Variants in AUTS2 observed in about 807,000 individuals in gnomAD.
AUTS2 encodes the protein autism susceptibility gene 2 protein.
Under a neutral mutation model 112.4 loss-of-function variants are expected in AUTS2, and 17 were observed. That is an observed-to-expected ratio of 0.15 (90% confidence interval 0.10 to 0.23). The LOEUF (loss-of-function observed/expected upper bound fraction) is 0.23, where lower values mean the gene tolerates loss of function less well. Among genes scored for constraint, AUTS2 ranks in the 10% least tolerant of loss-of-function variants. AUTS2 has a pLI of 1.00. For missense variants in AUTS2, 1,510 were observed against 1,701.6 expected, an observed-to-expected ratio of 0.89 and a Z score of 1.98; for synonymous variants, 751 against 702.7, an observed-to-expected ratio of 1.07 and a Z score of -1.09.
chr7:70,670,317 C>T (rs1382753508), intron 5 of AUTS2, among the ~76,000 whole-genome samples: 3 of 152,172 alleles, frequency 2.0e-5, no homozygotes, highest in Non-Finnish European at 4.4e-5. Flanking sequence ...CTTTCTGCAG[C>T]GTCTTAGTCA....
intron 3 of AUTS2, 139 bp downstream of exon 3, chr7:70,118,372 C>G: frequency 9.5e-7 from 1 of 1,049,948 alleles, no homozygotes; most frequent in Non-Finnish European, 1.3e-6. Context: ...TTGCGGTTCA[C>G]ATTATCTTTG....
chr7:70,484,960 A>G (rs1469039127), intron 5 of AUTS2, among the ~76,000 whole-genome samples: 2 of 152,264 alleles, frequency 1.3e-5, no homozygotes, highest in Non-Finnish European at 2.9e-5. Context: ...AAGAATGGCC[A>G]TAATTCAAAA....
intron 12 of AUTS2, chr7:70,774,413 T>C: frequency 9.7e-6 from 3 of 310,282 alleles, no homozygotes; most frequent in Non-Finnish European, 1.8e-5. Context: ...CTGTATCTCC[T>C]TAAATTGTCT....
At chr7:70,614,477 AG>A (rs1397933803) in intron 5 of AUTS2, among the ~76,000 whole-genome samples, 1 of 152,138 alleles carries the variant, frequency 6.6e-6, no homozygotes, top group Non-Finnish European at 1.5e-5. Flanking sequence ...TGCTAAGTGG[AG>A]GTGTGGGGGT....
chr7:70,450,567 A>C (rs1383055969), intron 5 of AUTS2, among the ~76,000 whole-genome samples: 2 of 152,180 alleles, frequency 1.3e-5, no homozygotes, highest in Non-Finnish European at 2.9e-5. Flanking sequence ...GACTGTAAAC[A>C]TATGTTGGTA....
intron 6 of AUTS2, among the ~76,000 whole-genome samples, chr7:70,724,143 C>T (rs1397781064): frequency 1.3e-5 from 2 of 152,158 alleles, no homozygotes; most frequent in African/African-American, 2.4e-5. Context: ...CCGCCTGCCT[C>T]GGCCTCTCAA....
At chr7:70,233,307 GACCTACACTTCACATAGT>G (rs1205692775) in intron 4 of AUTS2, among the ~76,000 whole-genome samples, 101 of 152,290 alleles carry the variant, frequency 6.6e-4, no homozygotes, top group African/African-American at 2.2e-3. Flanking sequence ...TGTGTCCTGG[GACCTACACTTCACATAGT>G]ACTTGGAAAT....
intron 8 of AUTS2, among the ~76,000 whole-genome samples, chr7:70,765,610 G>C (rs1173745527): frequency 6.6e-6 from 1 of 152,208 alleles, no homozygotes; most frequent in African/African-American, 2.4e-5. Flanking sequence ...CCATATAGCA[G>C]TAATTGACAC....
intron 4 of AUTS2, among the ~76,000 whole-genome samples, chr7:70,171,733 A>G (rs1192950099): frequency 1.3e-5 from 2 of 152,180 alleles, no homozygotes; most frequent in African/African-American, 2.4e-5. Flanking sequence ...TTCCTTCCCC[A>G]TGGGAAAGAT....
chr7:70,359,760 T>C (rs1264945354), intron 4 of AUTS2, among the ~76,000 whole-genome samples: 2 of 152,190 alleles, frequency 1.3e-5, no homozygotes, highest in Non-Finnish European at 2.9e-5. Flanking sequence ...ACGTGAGTTT[T>C]GGTGGAGACA....
chr7:69,975,782 G>A (rs1441813075), intron 2 of AUTS2, among the ~76,000 whole-genome samples: 1 of 151,588 alleles, frequency 6.6e-6, no homozygotes, highest in East Asian at 1.9e-4. Flanking sequence ...CTGCCTCCTG[G>A]GTTCAAGCAA....
chr7:70,737,768 G>C lies in AUTS2; in HGVS notation c.743-25102G>C, dbSNP rs1200286109. 3.3e-5 allele frequency among the ~76,000 whole-genome samples: 5 copies of C among 152,130 alleles called. No homozygotes were observed. In the East Asian group the frequency reaches 9.6e-4, roughly 29 times the overall value. ...TCCAGAGAGGAGGAGGAGCCAGGGG[G>C]GTGAAGAGAAGTCCTGACCTATTTT... is the stretch of plus-strand genomic sequence containing the variant. On this transcript the variant is annotated intron_variant, in intron 6 of 18. Transcript: ENST00000342771.
In AUTS2 at chr7:69,860,903, A is replaced by G. The variant is rs377732643; in HGVS notation, c.310-38383A>G. Among the ~76,000 whole-genome samples the G allele has an allele frequency of 6.6e-5, 10 of 152,332 alleles. 1 individual carries two copies. In the East Asian group the frequency reaches 1.2e-3, roughly 18 times the overall value. Reference sequence around the variant, plus strand: ...ATTCGGAGGCTACTTTTCCTCTGAAAGAACTTCAGATGTCCGATGTCATGA... The same window carrying G: ...ATTCGGAGGCTACTTTTCCTCTGAAGGAACTTCAGATGTCCGATGTCATGA... On this transcript the variant is annotated intron_variant, in intron 1 of 18. Transcript: ENST00000342771.
chr7:70,128,884 G>T (rs1347947877), intron 3 of AUTS2, among the ~76,000 whole-genome samples: 1 of 152,062 alleles, frequency 6.6e-6, no homozygotes, highest in African/African-American at 2.4e-5. Context: ...AGTGATCCTT[G>T]GTGTTCCTGG....
chr7:69,905,512 G>A (rs1795116289), intron 2 of AUTS2, among the ~76,000 whole-genome samples: 1 of 152,144 alleles, frequency 6.6e-6, no homozygotes, highest in Non-Finnish European at 1.5e-5. Context: ...CCAAAGCCTA[G>A]AGAGCCTAGA....
At chr7:69,898,749 C>G (rs1289242864) in intron 1 of AUTS2, among the ~76,000 whole-genome samples, 1 of 152,062 alleles carries the variant, frequency 6.6e-6, no homozygotes, top group African/African-American at 2.4e-5. Context: ...ATAAAGGATG[C>G]TTAGAGGAAC....
intron 1 of AUTS2, among the ~76,000 whole-genome samples, chr7:69,691,061 T>C (rs1158145984): frequency 6.6e-6 from 1 of 152,110 alleles, no homozygotes; most frequent in African/African-American, 2.4e-5. Flanking sequence ...AGACCCAAAG[T>C]GGGTATCTCC....
intron 18 of AUTS2, among the ~76,000 whole-genome samples, chr7:70,788,921 C>T (rs1205280054): frequency 6.6e-6 from 1 of 152,186 alleles, no homozygotes; most frequent in African/African-American, 2.4e-5. Flanking sequence ...TTTGTTTTTG[C>T]ATTTTCTGCC....
At chr7:69,884,688 A>C (rs1232366617) in intron 1 of AUTS2, among the ~76,000 whole-genome samples, 3 of 152,204 alleles carry the variant, frequency 2.0e-5, no homozygotes, top group African/African-American at 7.2e-5. Flanking sequence ...TGGCTTGTTT[A>C]AGAAACTAGG....
Sources: allele counts gnomAD v4.1 joint callset (sites outside exome capture counted in the v4.1 genomes callset), GRCh38; gene constraint gnomAD v4.1.1; transcripts MANE v1.5; gene names NCBI Gene and HGNC (gene_info 2026-07-23, HGNC 2026-07-21).